Variants in KLF7 observed in about 807,000 individuals in gnomAD.
The protein encoded by KLF7 is Krueppel-like factor 7.
A neutral mutation model predicts 27.3 loss-of-function variants in KLF7; 2 were observed. The ratio of observed to expected loss-of-function variants is 0.07; its 90% CI spans 0.03 to 0.23. The LOEUF is 0.23. Among genes scored for constraint, KLF7 ranks in the 10% least tolerant of loss-of-function variants. The pLI is 1.00. For synonymous variants in KLF7, 165 were observed against 162.4 expected (o/e 1.02, Z -0.12); for missense variants, 221 against 394.1 (o/e 0.56, Z 3.72).
intron 3 of KLF7, among the ~76,000 whole-genome samples, chr2:207,082,122 C>T (rs1000957499): frequency 6.6e-6 from 1 of 152,168 alleles, no homozygotes; most frequent in Non-Finnish European, 1.5e-5. Flanking sequence ...CTTCTTTCCT[C>T]TTTCCTCTAA....
rs2076263620 is a variant in KLF7, at chr2:207,081,217, A to G, written c.905T>C (p.Ile302Thr). 6.2e-7 allele frequency: 1 copy of G among 1,613,856 alleles called. No individual in the cohort carries two copies. The highest frequency in any genetic ancestry group is 1.3e-5 in the African/African-American group (1 of 74,878). The stretch of plus-strand genomic sequence containing the variant: ...CAACTCTGGCCTTTCGGTTTTTTAG[A>G]TATGTCTCTTCATGTGGAGGGCAAG... ...DHLALHMKRH[I>T] Residue 302 changes from isoleucine to threonine, a missense_variant, in exon 4 of 4, where the codon ATC (isoleucine) becomes ACC (threonine). Ile to Thr is a moderately conservative substitution (Grantham distance 89, BLOSUM62 -1). Transcript: ENST00000309446.
intron 2 of KLF7, among the ~76,000 whole-genome samples, chr2:207,108,017 C>A (rs201101265): frequency 6.6e-6 from 1 of 152,180 alleles, no homozygotes; most frequent in South Asian, 2.1e-4. Flanking sequence ...AAATGCTTAA[C>A]GGTGAGCTTG....
At chr2:207,133,992 C>T in intron 1 of KLF7, 4 of 1,154,326 alleles carry the variant, frequency 3.5e-6, no homozygotes, top group East Asian at 2.6e-5. Flanking sequence ...TCTTATGCAC[C>T]CCCACCCGCT....
rs1484600634 is a variant in KLF7 at position 207,077,937 on chromosome 2, G to C, written c.*3276C>G. 2 of 152,184 alleles carry C rather than the reference G, an allele frequency of 1.3e-5. 1 individual carries two copies. The highest frequency in any genetic ancestry group is 4.8e-5 in the African/African-American group (2 of 41,436). 9.4% of individuals were successfully genotyped at this position (152,184 alleles called of 1,614,324 possible). On this transcript the variant is annotated 3_prime_UTR_variant, in exon 4 of 4. Transcript: ENST00000309446. ...AATTTGGGATCCCCTGGAGGGTTAG[G>C]AGGTAACAACTGAAATGAGAAAGGG... is the stretch of plus-strand genomic sequence containing the variant.
At chr2:207,102,660 G>A (rs2076794524) in intron 2 of KLF7, among the ~76,000 whole-genome samples, 1 of 152,130 alleles carries the variant, frequency 6.6e-6, no homozygotes, top group African/African-American at 2.4e-5. Flanking sequence ...TAGAATTTCA[G>A]AACTCAAGTT....
At chr2:207,090,673 T>C (rs1158079341) in intron 2 of KLF7, among the ~76,000 whole-genome samples, 1 of 152,144 alleles carries the variant, frequency 6.6e-6, no homozygotes, top group Non-Finnish European at 1.5e-5. Context: ...TCTGAAATAT[T>C]AGAAACAGAG....
Position 207,080,109 on chromosome 2 carries a change from T to C in KLF7, c.*1104A>G, listed in dbSNP as rs1315937421. On this transcript the variant is annotated 3_prime_UTR_variant, in exon 4 of 4. Transcript: ENST00000309446. ...GTAGCAATGACACACAGCACAACGGTTGATCACTATGAGCTGAGGTCATCA... is the reference window on the plus strand; with the variant it reads ...GTAGCAATGACACACAGCACAACGGCTGATCACTATGAGCTGAGGTCATCA... The C allele has an allele frequency of 6.6e-6, 1 of 152,210 alleles. No homozygotes were observed. Among genetic ancestry groups the C allele is most frequent in the Non-Finnish European group, 1.5e-5 (1 of 68,052 alleles). 9.4% of individuals were successfully genotyped at this position (152,210 alleles called of 1,614,324 possible). A position where few individuals can be genotyped will look rare whatever the true frequency, so the allele number is the denominator to read the frequency against.
chr2:207,161,391 C>T (rs910940762), intron 1 of KLF7, among the ~76,000 whole-genome samples: 5 of 152,204 alleles, frequency 3.3e-5, no homozygotes, highest in Admixed American at 3.3e-4. Flanking sequence ...GTGTGGCTAG[C>T]AAGGCTCCTT....
chr2:207,152,310 C>T (rs901219748), intron 1 of KLF7, among the ~76,000 whole-genome samples: 10 of 142,458 alleles, frequency 7.0e-5, no homozygotes, highest in Non-Finnish European at 1.4e-4. Flanking sequence ...CACACACACA[C>T]GGAGTTTTTA....
rs767410729 is a variant in KLF7, at chr2:207,080,302, G to A, written c.*911C>T. ...AAGTTTTCGTTAGCAAAAACGGAGA[G>A]ATTAAAAAGAAAAAATCTAGCACTG... On this transcript the variant is annotated 3_prime_UTR_variant, in exon 4 of 4. Transcript: ENST00000309446. 1 of 152,244 alleles carries A rather than the reference G, an allele frequency of 6.6e-6. No individual in the cohort carries two copies. Among genetic ancestry groups the A allele is most frequent in the Non-Finnish European group, 1.5e-5 (1 of 68,088 alleles). 9.4% of individuals were successfully genotyped at this position (152,244 alleles called of 1,614,324 possible). A position where few individuals can be genotyped will look rare whatever the true frequency, so the allele number is the denominator to read the frequency against.
chr2:207,166,898 C>CAAGCGGGGGGCGGGCG, upstream of KLF7: 1 of 1,061,726 alleles, frequency 9.4e-7, no homozygotes, highest in Non-Finnish European at 1.2e-6. Flanking sequence ...GCGGCCTGCG[C>CAAGCGGGGGGCGGGCG]CCGCCCCCCG....
At chr2:207,159,079 C>T (rs569010799) in intron 1 of KLF7, among the ~76,000 whole-genome samples, 2 of 152,304 alleles carry the variant, frequency 1.3e-5, no homozygotes, top group South Asian at 2.1e-4. Flanking sequence ...CTATGTTCCT[C>T]GCTTTGGTAC....
intron 2 of KLF7, among the ~76,000 whole-genome samples, chr2:207,122,399 A>G (rs1441693129): frequency 6.6e-6 from 1 of 152,174 alleles, no homozygotes; most frequent in Non-Finnish European, 1.5e-5. Flanking sequence ...TCATCCTCCC[A>G]TGGGAATAAC....
intron 2 of KLF7, among the ~76,000 whole-genome samples, chr2:207,106,616 A>G (rs2076889929): frequency 6.6e-6 from 1 of 152,176 alleles, no homozygotes; most frequent in Admixed American, 6.5e-5. Flanking sequence ...TTCTCCATGA[A>G]GTTCCCCTGC....
intron 1 of KLF7, among the ~76,000 whole-genome samples, chr2:207,128,217 CAG>C (rs1282621115): frequency 6.6e-6 from 1 of 152,062 alleles, no homozygotes; most frequent in Non-Finnish European, 1.5e-5. Context: ...CAGAAAGACT[CAG>C]AAGCCAACTT....
intron 1 of KLF7, among the ~76,000 whole-genome samples, chr2:207,157,134 A>G (rs1478460405): frequency 1.2e-4 from 18 of 151,930 alleles, no homozygotes; most frequent in Admixed American, 1.2e-3. Context: ...CAGGTGATAC[A>G]TTAAAAGTTG....
chr2:207,092,675 G>A (rs902338081), intron 2 of KLF7, among the ~76,000 whole-genome samples: 4 of 152,150 alleles, frequency 2.6e-5, no homozygotes, highest in African/African-American at 9.7e-5. Context: ...GTGGCATTTT[G>A]TTAGTTTCTT....
chr2:207,108,424 A>G (rs1160760612), intron 2 of KLF7, among the ~76,000 whole-genome samples: 1 of 152,262 alleles, frequency 6.6e-6, no homozygotes, highest in African/African-American at 2.4e-5. Flanking sequence ...AAAGATGTAC[A>G]GGAACACAGG....
At chr2:207,111,313 G>A (rs2077030909) in intron 2 of KLF7, among the ~76,000 whole-genome samples, 2 of 152,158 alleles carry the variant, frequency 1.3e-5, no homozygotes, top group African/African-American at 4.8e-5. Flanking sequence ...GTTCAGGGAA[G>A]GCCCATCTGT....
Sources: gnomAD v4.1 joint callset for allele counts (sites outside exome capture counted in the v4.1 genomes callset) on GRCh38, gnomAD v4.1.1 for gene constraint, MANE v1.5 for transcripts, NCBI Gene and HGNC (gene_info 2026-07-23, HGNC 2026-07-21) for gene names.